The following KATNBL1 variants were observed in gnomAD, a reference collection of about 807,000 sequenced individuals.
KATNBL1 encodes the protein katanin regulatory subunit B1 like 1.
In KATNBL1, 28 loss-of-function variants were observed where a neutral mutation model predicts 44.7. The ratio of observed to expected loss-of-function variants is 0.63; its 90% confidence interval spans 0.46 to 0.86. The LOEUF (loss-of-function observed/expected upper bound fraction) is 0.86, where lower values mean the gene tolerates loss of function less well. Among genes scored for constraint, KATNBL1 ranks in the 40% least tolerant of loss-of-function variants. The pLI, the probability that KATNBL1 is intolerant of heterozygous loss-of-function variation, is 0.00. For missense variants in KATNBL1, 272 were observed against 350.7 expected (o/e 0.78, Z 1.79); for synonymous variants, 78 against 114.9 (o/e 0.68, Z 2.06).
chr15:34,194,374 C>T (rs1314146064), intron 1 of KATNBL1, among the ~76,000 whole-genome samples: 3 of 151,744 alleles, frequency 2.0e-5, no homozygotes, highest in Non-Finnish European at 4.4e-5. Flanking sequence ...TTTGAAAGGC[C>T]AAGGCGGGAG....
chr15:34,155,206 C>T (rs1340795851), intron 2 of KATNBL1, among the ~76,000 whole-genome samples: 1 of 152,190 alleles, frequency 6.6e-6, no homozygotes, highest in African/African-American at 2.4e-5. Context: ...CCCAGAGGAA[C>T]TCAGAACTCA....
chr15:34,166,443 A>T (rs1194171240), intron 1 of KATNBL1, among the ~76,000 whole-genome samples: 1 of 152,240 alleles, frequency 6.6e-6, no homozygotes, highest in African/African-American at 2.4e-5. Context: ...GGGAAGCTCG[A>T]ACTGGGCAGA....
At chr15:34,198,741 T>A (rs1191830722) in intron 1 of KATNBL1, among the ~76,000 whole-genome samples, 1 of 152,238 alleles carries the variant, frequency 6.6e-6, no homozygotes, top group African/African-American at 2.4e-5. Context: ...AAATGTGACA[T>A]TCCTTTTTTA....
chr15:34,191,497 G>A (rs563750687), intron 1 of KATNBL1, among the ~76,000 whole-genome samples: 25 of 152,098 alleles, frequency 1.6e-4, no homozygotes, highest in African/African-American at 6.0e-4. Flanking sequence ...AACTTTTAAA[G>A]AAAATTGCCC....
chr15:34,191,720 G>A (rs940785096), intron 1 of KATNBL1, among the ~76,000 whole-genome samples: 3 of 151,896 alleles, frequency 2.0e-5, no homozygotes, highest in African/African-American at 4.8e-5. Context: ...GGCCGAGGTG[G>A]GCGGATCACG....
At chr15:34,147,796 G>A (rs953225747) in intron 5 of KATNBL1, among the ~76,000 whole-genome samples, 5 of 152,150 alleles carry the variant, frequency 3.3e-5, no homozygotes, top group Non-Finnish European at 7.3e-5. Context: ...GGTAACATCT[G>A]AGAGACTTGA....
At chr15:34,161,437 C>T (rs1888803239) in intron 2 of KATNBL1, among the ~76,000 whole-genome samples, 1 of 152,154 alleles carries the variant, frequency 6.6e-6, no homozygotes. Flanking sequence ...GGACTGGCCC[C>T]CAAATTTGTT....
chr15:34,148,828 G>A, intron 4 of KATNBL1, 78 bp from the exon 5 acceptor site: 1 of 800,086 alleles, frequency 1.2e-6, no homozygotes, highest in Non-Finnish European at 2.1e-6. Flanking sequence ...AATCGTTCTG[G>A]TAGACATAGT....
At chr15:34,201,834 T>C (rs11073014) in intron 1 of KATNBL1, among the ~76,000 whole-genome samples, 82,123 of 152,064 alleles carry the variant, frequency 0.54, 23,755 homozygotes, top group East Asian at 0.71. Context: ...CAATCAAAAC[T>C]ATTTAGAAAA....
intron 4 of KATNBL1, 106 bp from the exon 5 acceptor site, chr15:34,148,856 T>A (rs1888386754): frequency 1.6e-6 from 1 of 644,332 alleles, no homozygotes; most frequent in Non-Finnish European, 2.8e-6. Context: ...CATGCAAAAG[T>A]AACTCCTTTT....
chr15:34,202,969 C>T (rs568444190), intron 1 of KATNBL1, among the ~76,000 whole-genome samples: 27 of 152,006 alleles, frequency 1.8e-4, no homozygotes, highest in Admixed American at 2.6e-4. Flanking sequence ...CCAGCCTGGG[C>T]GACAGCAAGA....
Position 34,143,966 on chromosome 15 carries a change from C to CAAAA in KATNBL1, c.882+1428_882+1431dup, listed in dbSNP as rs61591705. Among the ~76,000 whole-genome samples, 63 of 66,288 alleles carry CAAAA rather than the reference C, an allele frequency of 9.5e-4. 2 individuals are homozygous for CAAAA. The highest frequency in any genetic ancestry group is 2.1e-3 in the African/African-American group (30 of 14,296). The allele number at this position is 66,288 out of a possible 152,430, so 43.5% of individuals were successfully genotyped here. A position where few individuals can be genotyped will look rare whatever the true frequency, so the allele number is the denominator to read the frequency against. ...TGGGCGACAGAGCGAGATTCCATCT[C>CAAAA]AAAAAAAAAAAAAAAAAAAAAAGAA... is the stretch of plus-strand genomic sequence containing the variant. On this transcript the variant is annotated intron_variant, in intron 9 of 9. Coordinates refer to ENST00000256544, the MANE Select transcript of KATNBL1 (RefSeq NM_024713.3).
intron 1 of KATNBL1, among the ~76,000 whole-genome samples, chr15:34,174,361 G>A (rs955393270): frequency 2.6e-5 from 4 of 152,126 alleles, no homozygotes; most frequent in African/African-American, 4.8e-5. Context: ...ACGTGTTTAC[G>A]TAACCTGGAG....
chr15:34,145,686 A>C, intron 8 of KATNBL1, 195 bp from the exon 9 acceptor site: 1 of 341,684 alleles, frequency 2.9e-6, no homozygotes, highest in Non-Finnish European at 4.7e-6. Flanking sequence ...AGAATAATAC[A>C]TGTCAGTCAT....
rs1888342774 is a variant in KATNBL1, at chr15:34,147,433, G to A, written c.558-3C>T. ...CCACAACGCCAAGATCTTCTATCCT[G>A]AGAGTATAAAAAGAATAGCATTGCC... On this transcript the variant is annotated splice_region_variant and splice_polypyrimidine_tract_variant and intron_variant, in intron 5 of 9. Coordinates refer to ENST00000256544, the MANE Select transcript of KATNBL1 (RefSeq NM_024713.3). 6.2e-7 allele frequency: 1 copy of A among 1,610,702 alleles called. No homozygotes were observed. The highest frequency in any genetic ancestry group is 1.1e-5 in the South Asian group (1 of 90,894).
chr15:34,146,974 T>C, intron 7 of KATNBL1, 124 bp from the exon 8 acceptor site: 2 of 678,664 alleles, frequency 2.9e-6, no homozygotes, highest in South Asian at 1.8e-5. Flanking sequence ...AAAAAATTGT[T>C]ACCTTCATGA....
At chr15:34,168,172 G>A (rs1343580263) in intron 1 of KATNBL1, among the ~76,000 whole-genome samples, 1 of 152,108 alleles carries the variant, frequency 6.6e-6, no homozygotes, top group Non-Finnish European at 1.5e-5. Context: ...AGACCTATCG[G>A]TGTGCTGTAT....
chr15:34,166,596 C>A (rs907298239), intron 1 of KATNBL1, among the ~76,000 whole-genome samples: 3 of 152,242 alleles, frequency 2.0e-5, no homozygotes, highest in Non-Finnish European at 4.4e-5. Flanking sequence ...GTTCTCCCAA[C>A]ACGACGTTTG....
At chr15:34,194,486 G>A (rs1889979081) in intron 1 of KATNBL1, among the ~76,000 whole-genome samples, 1 of 152,076 alleles carries the variant, frequency 6.6e-6, no homozygotes, top group African/African-American at 2.4e-5. Context: ...ACATGAGCAT[G>A]GTGGCACGCG....
Sources: gnomAD v4.1 joint callset for allele counts (sites outside exome capture counted in the v4.1 genomes callset) on GRCh38, gnomAD v4.1.1 for gene constraint, MANE v1.5 for transcripts, NCBI Gene and HGNC (gene_info 2026-07-23, HGNC 2026-07-21) for gene names.